Variants in BDNF observed in about 807,000 individuals in gnomAD.
BDNF encodes the protein brain derived neurotrophic factor.
Under a neutral mutation model 19.5 loss-of-function variants are expected in BDNF, and 1 was observed. The ratio of observed to expected loss-of-function variants is 0.05; its 90% CI spans 0.02 to 0.24. The LOEUF is 0.24. BDNF is among the 10% of genes least tolerant of loss of function. The pLI is 1.00. For synonymous variants in BDNF, 100 were observed against 121.6 expected, an observed-to-expected ratio of 0.82 and a Z score of 1.17; for missense variants, 195 against 317.6, an observed-to-expected ratio of 0.61 and a Z score of 2.93.
upstream of BDNF, chr11:27,701,054 T>C: frequency 7.4e-7 from 1 of 1,352,012 alleles, no homozygotes; most frequent in Non-Finnish European, 9.8e-7. Context: ...ATTGGTTTAC[T>C]CTGCTGCCTT....
chr11:27,683,368 C>G (rs1190233864), intron 1 of BDNF, among the ~76,000 whole-genome samples: 1 of 152,130 alleles, frequency 6.6e-6, no homozygotes, highest in Non-Finnish European at 1.5e-5. Context: ...CCTGTTCACT[C>G]TGATGTTAGT....
At chr11:27,701,591 G>C, upstream of BDNF, 1 of 986,954 alleles carries the variant, frequency 1.0e-6, no homozygotes, top group South Asian at 4.7e-5. Flanking sequence ...CGGGGGGAGC[G>C]GCAGCGAGAG....
intron 1 of BDNF, among the ~76,000 whole-genome samples, chr11:27,712,154 G>C (rs1860351556): frequency 6.6e-6 from 1 of 152,154 alleles, no homozygotes; most frequent in African/African-American, 2.4e-5. Context: ...AAACAACAAT[G>C]GCTAATGTTG....
upstream of BDNF, among the ~76,000 whole-genome samples, chr11:27,704,961 G>A (rs895041443): frequency 2.0e-5 from 3 of 152,164 alleles, no homozygotes; most frequent in Admixed American, 1.3e-4. Context: ...ACCACAGCAA[G>A]AAACTTTTAG....
At chr11:27,659,027 A>G in intron 1 of BDNF, 1 of 1,076,646 alleles carries the variant, frequency 9.3e-7, no homozygotes, top group Non-Finnish European at 1.1e-6. Context: ...CTTTGCAGGA[A>G]TGTGTGACAG....
chr11:27,710,972 T>C (rs1208758996), intron 1 of BDNF, among the ~76,000 whole-genome samples: 2 of 152,224 alleles, frequency 1.3e-5, no homozygotes, highest in Non-Finnish European at 2.9e-5. Context: ...CTTCAGTGAC[T>C]ATATACTTAT....
chr11:27,687,416 A>G (rs12790234), intron 1 of BDNF, among the ~76,000 whole-genome samples: 27,315 of 152,138 alleles, frequency 0.18, 3,138 homozygotes, highest in East Asian at 0.47. Flanking sequence ...CTGTCAATTC[A>G]TCAAACTCAT....
At chr11:27,699,675 C>T in intron 1 of BDNF, 1 of 1,414,264 alleles carries the variant, frequency 7.1e-7, no homozygotes, top group Non-Finnish European at 9.2e-7. Context: ...TGTGCAGCTC[C>T]GGGGAAGGGA....
upstream of BDNF, among the ~76,000 whole-genome samples, chr11:27,703,875 C>CTTA (rs1323846251): frequency 6.6e-6 from 1 of 152,180 alleles, no homozygotes; most frequent in East Asian, 1.9e-4. Flanking sequence ...AAAACATGTA[C>CTTA]TTATTTGCCT....
At chr11:27,707,014 C>A (rs1192346486) in intron 1 of BDNF, among the ~76,000 whole-genome samples, 1 of 152,158 alleles carries the variant, frequency 6.6e-6, no homozygotes, top group African/African-American at 2.4e-5. Context: ...AAGTTGTAGA[C>A]CTTTCACATT....
At chr11:27,707,354 G>A (rs919377638) in intron 1 of BDNF, among the ~76,000 whole-genome samples, 2 of 152,154 alleles carry the variant, frequency 1.3e-5, no homozygotes, top group African/African-American at 4.8e-5. Flanking sequence ...CCATTACTCA[G>A]GAGATATTCT....
In BDNF at chr11:27,657,171, T is replaced by C. The variant is rs530403605; in HGVS notation, c.*650A>G. On this transcript the variant is annotated 3_prime_UTR_variant, in exon 2 of 2. Transcript: ENST00000356660. The surrounding 1 kb of genome is among the most constrained non-coding windows in gnomAD (Gnocchi z 5.0). ...TCACAACATACAAATGTATCTTTTA[T>C]CAGCCAGAATATATATTGTAGGAAT... 3.1e-6 allele frequency: 3 copies of C among 982,148 alleles called. No individual in the cohort carries two copies. The East Asian group carries it at 3.4e-4, about 112-fold the overall frequency. The allele number at this position is 982,148 out of a possible 1,614,324, so 60.8% of individuals were successfully genotyped here.
chr11:27,720,361 C>T lies in BDNF; in HGVS notation c.3+1051G>A, dbSNP rs1178515183. The T allele has an allele frequency of 1.0e-5, 10 of 985,810 alleles. No homozygotes were observed. In the African/African-American group the frequency reaches 1.7e-4, roughly 17 times the overall value. The allele number at this position is 985,810 out of a possible 1,614,324, so 61.1% of individuals were successfully genotyped here. On this transcript the variant is annotated intron_variant, in intron 1 of 1. Coordinates refer to the BDNF transcript ENST00000314915. Reference sequence around the variant, plus strand: ...TGGTGCTTACCTTCTTTGCGGCTTACACCACCCCGGTGGCTAGATCCTGGA... The same window carrying T: ...TGGTGCTTACCTTCTTTGCGGCTTATACCACCCCGGTGGCTAGATCCTGGA...
In BDNF at chr11:27,658,637, A is replaced by G. The variant is rs1354178656; in HGVS notation, c.-21-52T>C. On this transcript the variant is annotated intron_variant, in intron 1 of 1. Coordinates refer to ENST00000356660, the MANE Select transcript of BDNF (RefSeq NM_001709.5). This position sits in a 1 kb window ranked among gnomAD's most constrained non-coding sequence, Gnocchi z 5.7. ...AGAAAACTGGTTAGGGCTTTCTTTC[A>G]CCGGGATGCCATGTGGCCCATCTGA... 6.2e-7 allele frequency: 1 copy of G among 1,613,748 alleles called. No individual in the cohort carries two copies. The highest frequency in any genetic ancestry group is 1.3e-5 in the African/African-American group (1 of 74,944).
chr11:27,697,158 CACACACAGAGAGAG>C (rs1319022777), intron 1 of BDNF, among the ~76,000 whole-genome samples: 3 of 113,578 alleles, frequency 2.6e-5, no homozygotes, highest in Admixed American at 8.6e-5. Context: ...CACACACACA[CACACACAGAGAGAG>C]AGAGAGAGAG....
chr11:27,720,659 C>T, intron 1 of BDNF: 1 of 985,484 alleles, frequency 1.0e-6, no homozygotes, highest in Non-Finnish European at 1.2e-6. Context: ...GGTACCGCCA[C>T]CTCGGACAAA....
chr11:27,674,415 A>G (rs1855822072), intron 1 of BDNF: 3 of 1,461,904 alleles, frequency 2.1e-6, no homozygotes, highest in African/African-American at 2.8e-5. Context: ...ATGTTCTCCT[A>G]GCCACTGCTC....
intron 1 of BDNF, among the ~76,000 whole-genome samples, chr11:27,679,845 A>G (rs1179664793): frequency 6.6e-6 from 1 of 152,206 alleles, no homozygotes; most frequent in African/African-American, 2.4e-5. Context: ...GAAAGTCAGA[A>G]CCAGCTGTGT....
At position 27,699,722 on chromosome 11, in the gene BDNF, C is replaced by A. The variant is rs142933235; in HGVS notation, c.-22+442G>T. 1.2e-4 allele frequency: 169 copies of A among 1,374,316 alleles called. 1 individual carries two copies. The East Asian group carries it at 4.1e-3, about 33-fold the overall frequency. 85.1% of individuals were successfully genotyped at this position (1,374,316 alleles called of 1,614,324 possible). A position where few individuals can be genotyped will look rare whatever the true frequency, so the allele number is the denominator to read the frequency against. On this transcript the variant is annotated intron_variant, in intron 1 of 1. Coordinates refer to ENST00000356660, the MANE Select transcript of BDNF (RefSeq NM_001709.5). ...GGCGCAAGCTTCCCTCCCACTCCCC[C>A]CGCAAGTCGGCGCGGGGACCACCCA...
Sources: allele counts gnomAD v4.1 joint callset (sites outside exome capture counted in the v4.1 genomes callset), GRCh38; gene constraint gnomAD v4.1.1; non-coding constraint Gnocchi (gnomAD v3.1); transcripts MANE v1.5; gene names NCBI Gene and HGNC (gene_info 2026-07-23, HGNC 2026-07-21).